Variants in TRNT1 observed in about 807,000 individuals in gnomAD.
TRNT1 encodes tRNA nucleotidyl transferase 1, also known as CCA tRNA nucleotidyltransferase 1, mitochondrial.
A neutral mutation model predicts 45.6 loss-of-function variants in TRNT1; 44 were observed. The ratio of observed to expected loss-of-function variants is 0.97; its 90% CI spans 0.76 to 1.24. The LOEUF (loss-of-function observed/expected upper bound fraction) is 1.24. Among genes scored for constraint, TRNT1 ranks in the 50% most tolerant of loss-of-function variants. The pLI, the probability that TRNT1 is intolerant of heterozygous loss-of-function variation, is 0.00. For missense variants in TRNT1, 633 were observed against 504.4 expected (o/e 1.25, Z -2.44); for synonymous variants, 201 against 171.4 (o/e 1.17, Z -1.35).
rs1704858626 is a variant in TRNT1, at chr3:3,129,434, G to A, written c.148+246G>A. 9 of 447,120 alleles carry A rather than the reference G, an allele frequency of 2.0e-5. No individual in the cohort carries two copies. The Admixed American group carries it at 2.2e-4, about 11-fold the overall frequency. 27.7% of individuals were successfully genotyped at this position (447,120 alleles called of 1,614,324 possible). On this transcript the variant is annotated intron_variant, in intron 2 of 7. Transcript: ENST00000251607. Reference sequence around the variant, plus strand: ...GGTGCCCAATGTGCACGTTTTCATTGTTGGAAGAAAGGCTTGGCTGGGTGT... The same window carrying A: ...GGTGCCCAATGTGCACGTTTTCATTATTGGAAGAAAGGCTTGGCTGGGTGT...
At chr3:3,152,447 TA>T (rs746944603), downstream of TRNT1, 45 of 1,612,064 alleles carry the variant, frequency 2.8e-5, no homozygotes, top group Non-Finnish European at 3.7e-5. Flanking sequence ...ACCACCACCA[TA>T]ATATTACCCA....
At position 3,146,472 on chromosome 3, in the gene TRNT1, TGA is replaced by T; in HGVS notation, c.654_655del (p.Glu218AspfsTer31). 6.2e-7 allele frequency: 1 copy of T among 1,613,946 alleles called. No homozygotes were observed. The highest frequency in any genetic ancestry group is 8.5e-7 in the Non-Finnish European group (1 of 1,179,908). ...TAGACAAACCTGGTGACCATGATCC[TGA>T]GACTTTGGAAGCAATTGCAGAAAAT... ...IVDKPGDHDP[E>X]TLEAIAENAK... On this transcript the variant is annotated frameshift_variant, in exon 6 of 8. Coordinates refer to ENST00000251607, the MANE Select transcript of TRNT1 (RefSeq NM_182916.3). LOFTEE classifies it high-confidence loss of function.
At chr3:3,151,828 C>CAAACAAAA (rs57199549), downstream of TRNT1, among the ~76,000 whole-genome samples, 4 of 42,596 alleles carry the variant, frequency 9.4e-5, no homozygotes, top group African/African-American at 2.9e-4. Context: ...TAAGCTGAAG[C>CAAACAAAA]AAACAAACAA....
intron 2 of TRNT1, among the ~76,000 whole-genome samples, chr3:3,133,918 G>T (rs1350094232): frequency 6.6e-6 from 1 of 152,060 alleles, no homozygotes; most frequent in Non-Finnish European, 1.5e-5. Flanking sequence ...AAGGGAAGAC[G>T]TTCATGAAAA....
intron 3 of TRNT1, 77 bp from the exon 4 acceptor site, chr3:3,140,433 A>G: frequency 6.7e-6 from 10 of 1,502,310 alleles, no homozygotes; most frequent in Non-Finnish European, 9.1e-6. Context: ...TATAAAGACA[A>G]AAACTTATTT....
Position 3,129,463 on chromosome 3 carries a change from C to T in TRNT1, c.148+275C>T. 3 of 412,898 alleles carry T rather than the reference C, an allele frequency of 7.3e-6. No individual in the cohort carries two copies. In the East Asian group the frequency reaches 1.5e-4, roughly 21 times the overall value. 25.6% of individuals were successfully genotyped at this position (412,898 alleles called of 1,614,324 possible). On this transcript the variant is annotated intron_variant, in intron 2 of 7. Transcript: ENST00000251607. Reference sequence around the variant, plus strand: ...GAAGAAAGGCTTGGCTGGGTGTACCCAGCCTGTAATCTCTTGGGGAGGCCA... The same window carrying T: ...GAAGAAAGGCTTGGCTGGGTGTACCTAGCCTGTAATCTCTTGGGGAGGCCA...
At chr3:3,142,030 T>C (rs1705686238) in intron 4 of TRNT1, among the ~76,000 whole-genome samples, 1 of 152,342 alleles carries the variant, frequency 6.6e-6, no homozygotes, top group African/African-American at 2.4e-5. Context: ...TGATTTTGGC[T>C]TGTTTCCAAG....
At position 3,147,492 on chromosome 3, in the gene TRNT1, G is replaced by C; in HGVS notation, c.845G>C (p.Ser282Thr). The change falls in exon 7 of 8, where the codon AGT (serine) becomes ACT (threonine). Residue 282 changes from serine (S) to threonine (T), a missense_variant. Transcript: ENST00000251607. ...AGTTTAGAAGAATTTGACAAAGTCA[G>C]TAAAAATGTTGATGGTTTTTCACCA... is the stretch of plus-strand genomic sequence containing the variant. ...NASLEEFDKVSKNVDGFSPKP... is the reference protein window; with the variant it reads ...NASLEEFDKVTKNVDGFSPKP... 1.9e-6 allele frequency: 3 copies of C among 1,613,812 alleles called. No homozygotes were observed. Among genetic ancestry groups the C allele is most frequent in the Non-Finnish European group, 1.7e-6 (2 of 1,179,772 alleles).
At chr3:3,151,069 A>C (rs768046511), downstream of TRNT1, 1 of 1,612,276 alleles carries the variant, frequency 6.2e-7, no homozygotes, top group African/African-American at 1.3e-5. Flanking sequence ...GAAAGATATC[A>C]GCTAAGGAAA....
At chr3:3,128,112 C>T (rs925244692) in intron 1 of TRNT1, 5 of 152,214 alleles carry the variant, frequency 3.3e-5, no homozygotes, top group Admixed American at 2.6e-4. Flanking sequence ...AGACCTTCCT[C>T]TGGAGCCTGA....
At chr3:3,150,067 C>G (rs1243835959), downstream of TRNT1, 1 of 152,072 alleles carries the variant, frequency 6.6e-6, no homozygotes, top group Non-Finnish European at 1.5e-5. Context: ...TTACATTGAA[C>G]AAAATAATAC....
intron 3 of TRNT1, among the ~76,000 whole-genome samples, chr3:3,137,772 C>T (rs560934413): frequency 1.8e-3 from 281 of 152,318 alleles, no homozygotes; most frequent in Non-Finnish European, 2.4e-3. Flanking sequence ...CAACAACAAG[C>T]ACGTATAATT....
chr3:3,146,624 G>A lies in TRNT1; in HGVS notation c.802+1G>A. 6.3e-7 allele frequency: 1 copy of A among 1,589,302 alleles called. No homozygotes were observed. The highest frequency in any genetic ancestry group is 8.6e-7 in the Non-Finnish European group (1 of 1,169,356). ...GATCTTGATGTGGCTCCTTATATAG[G>A]TGAGAGCAAGTTATAAAGTGTTTGA... On this transcript the variant is annotated splice_donor_variant, in intron 6 of 7. Coordinates refer to ENST00000251607, the MANE Select transcript of TRNT1 (RefSeq NM_182916.3). LOFTEE classifies it high-confidence loss of function.
chr3:3,146,769 G>A, intron 6 of TRNT1, 146 bp downstream of exon 6: 2 of 779,626 alleles, frequency 2.6e-6, no homozygotes, highest in South Asian at 2.0e-5. Context: ...TGGGTTATGG[G>A]GTAAGTTTTG....
rs778257013 is a variant in TRNT1 at position 3,135,689 on chromosome 3, CAG to C, written c.149-1569_149-1568del. On this transcript the variant is annotated intron_variant, in intron 2 of 7. Transcript: ENST00000251607. ...AGAGGAGTGTGGGCAGGACAGAAAA[CAG>C]ATGTTGAGGTAGGGATAGAGGATTC... 5.9e-5 allele frequency among the ~76,000 whole-genome samples: 9 copies of C among 152,128 alleles called. No homozygotes were observed. In the East Asian group the frequency reaches 1.2e-3, roughly 20 times the overall value.
downstream of TRNT1, among the ~76,000 whole-genome samples, chr3:3,151,439 T>C (rs73005216): frequency 9.6e-4 from 146 of 152,302 alleles, no homozygotes; most frequent in Non-Finnish European, 1.7e-3. Context: ...GCAGAAATAA[T>C]GCACTTCTGT....
chr3:3,130,341 A>G (rs1003505838), intron 2 of TRNT1: 2 of 190,040 alleles, frequency 1.1e-5, no homozygotes, highest in Non-Finnish European at 2.2e-5. Context: ...GATGCACAGA[A>G]GATAGACGAA....
intron 2 of TRNT1, among the ~76,000 whole-genome samples, chr3:3,136,206 A>G (rs976127219): frequency 2.6e-5 from 4 of 152,186 alleles, no homozygotes; most frequent in African/African-American, 9.7e-5. Context: ...TGGTCACAGA[A>G]TGGGCTTGTC....
Position 3,135,885 on chromosome 3 carries a change from A to T in TRNT1, c.149-1375A>T, listed in dbSNP as rs570652801. On this transcript the variant is annotated intron_variant, in intron 2 of 7. Transcript: ENST00000251607. ...GAGGAGTAGCATGCTGACACTGGAG[A>T]ACCTGGAGGTATACTCAGTAAGAGG... is the stretch of plus-strand genomic sequence containing the variant. Among the ~76,000 whole-genome samples, 152 of 152,316 alleles carry T rather than the reference A, an allele frequency of 1.0e-3. 1 individual carries two copies. The highest frequency in any genetic ancestry group is 3.5e-3 in the African/African-American group (146 of 41,562).
Sources: allele counts gnomAD v4.1 joint callset (sites outside exome capture counted in the v4.1 genomes callset), GRCh38; gene constraint gnomAD v4.1.1; transcripts MANE v1.5; gene names NCBI Gene and HGNC (gene_info 2026-07-23, HGNC 2026-07-21).